The following DRC10 variants were observed in gnomAD, a reference collection of about 807,000 sequenced individuals.
The protein encoded by DRC10 is IQ domain-containing protein D.
At chr12:113,199,395 C>T in the DRC10 span, among the ~76,000 whole-genome samples, 1 of 140,252 alleles carries the variant, frequency 7.1e-6, no homozygotes. Context: ...GACCCTGTCT[C>T]AAACATAAAT....
the DRC10 span, among the ~76,000 whole-genome samples, chr12:113,214,822 GTT>G: frequency 6.7e-6 from 1 of 149,506 alleles, no homozygotes; most frequent in Non-Finnish European, 1.5e-5. Context: ...TAGTTGAGTG[GTT>G]TTTTTTTTCT....
At chr12:113,212,769 C>T in the DRC10 span, among the ~76,000 whole-genome samples, 5 of 152,180 alleles carry the variant, frequency 3.3e-5, no homozygotes, top group Non-Finnish European at 5.9e-5. Flanking sequence ...ACTGGAGAAT[C>T]TCTTTTCCTT....
the DRC10 span, among the ~76,000 whole-genome samples, chr12:113,197,300 G>A: frequency 2.0e-5 from 3 of 149,204 alleles, no homozygotes; most frequent in Admixed American, 2.0e-4. Flanking sequence ...GCCTCCCAAC[G>A]TGCTGGGATT....
At chr12:113,213,190 A>AC in the DRC10 span, among the ~76,000 whole-genome samples, 7 of 143,052 alleles carry the variant, frequency 4.9e-5, no homozygotes, top group Non-Finnish European at 9.6e-5. Context: ...AAAAAAAAAA[A>AC]AAAAAAAAAA....
chr12:113,203,344 TC>T, the DRC10 span, among the ~76,000 whole-genome samples: 67 of 151,960 alleles, frequency 4.4e-4, 2 homozygotes, highest in Non-Finnish European at 1.9e-4. Flanking sequence ...TAACAATTCT[TC>T]TAACTGGTGT....
chr12:113,212,583 A>G, the DRC10 span, among the ~76,000 whole-genome samples: 2 of 152,244 alleles, frequency 1.3e-5, no homozygotes, highest in Admixed American at 1.3e-4. Flanking sequence ...GCAACGTTAC[A>G]TGAAATGTTT....
At chr12:113,211,449 G>A in the DRC10 span, among the ~76,000 whole-genome samples, 4 of 152,116 alleles carry the variant, frequency 2.6e-5, no homozygotes, top group East Asian at 7.7e-4. Flanking sequence ...AGGATGTTTA[G>A]TTCCTTGGCA....
At chr12:113,208,839 A>G in the DRC10 span, among the ~76,000 whole-genome samples, 4 of 152,236 alleles carry the variant, frequency 2.6e-5, no homozygotes, top group African/African-American at 4.8e-5. Flanking sequence ...GCCTCAGCCT[A>G]TGTCTGAGCA....
At chr12:113,198,624 G>C in the DRC10 span, among the ~76,000 whole-genome samples, 1 of 152,164 alleles carries the variant, frequency 6.6e-6, no homozygotes, top group Non-Finnish European at 1.5e-5. Context: ...GGGACAGGGG[G>C]AATAAGGGAA....
chr12:113,209,622 G>A, the DRC10 span, among the ~76,000 whole-genome samples: 8 of 152,090 alleles, frequency 5.3e-5, no homozygotes, highest in African/African-American at 1.9e-4. Flanking sequence ...CTAGGCTCAA[G>A]CAATCCTCCC....
the DRC10 span, chr12:113,200,709 C>T: frequency 6.5e-7 from 1 of 1,536,202 alleles, no homozygotes; most frequent in Non-Finnish European, 8.7e-7. Context: ...CCTTCTGCTG[C>T]TTCTCAGCCT....
chr12:113,218,709 A>G, the DRC10 span, among the ~76,000 whole-genome samples: 1 of 152,126 alleles, frequency 6.6e-6, no homozygotes, highest in Non-Finnish European at 1.5e-5. Flanking sequence ...TGGCCTCCCA[A>G]ATTGCTGGGA....
chr12:113,205,902 C>CAAAAAAA, the DRC10 span, among the ~76,000 whole-genome samples: 1 of 47,982 alleles, frequency 2.1e-5, no homozygotes, highest in Non-Finnish European at 4.3e-5. Flanking sequence ...GACTCCGTCT[C>CAAAAAAA]AAAAAAAAAA....
At chr12:113,201,838 C>T in the DRC10 span, among the ~76,000 whole-genome samples, 1 of 152,210 alleles carries the variant, frequency 6.6e-6, no homozygotes, top group Non-Finnish European at 1.5e-5. Flanking sequence ...TGGGGCAAGC[C>T]CATCCTGCAG....
the DRC10 span, among the ~76,000 whole-genome samples, chr12:113,196,283 C>T: frequency 6.6e-6 from 1 of 152,174 alleles, no homozygotes; most frequent in Non-Finnish European, 1.5e-5. Context: ...ATGTACTGGA[C>T]ATGATGCCAG....
chr12:113,208,557 G>A, the DRC10 span: 2 of 187,806 alleles, frequency 1.1e-5, no homozygotes, highest in Admixed American at 1.1e-4. Context: ...TGGGAGAGTT[G>A]AGAGGCCAAC....
chr12:113,215,988 G>A, the DRC10 span, among the ~76,000 whole-genome samples: 8 of 152,250 alleles, frequency 5.3e-5, no homozygotes, highest in East Asian at 1.9e-4. Flanking sequence ...CTTACTGTAC[G>A]ATCCAGTAAT....
the DRC10 span, among the ~76,000 whole-genome samples, chr12:113,219,820 A>T: frequency 2.6e-5 from 4 of 151,514 alleles, no homozygotes; most frequent in East Asian, 1.9e-4. Context: ...TTATTTATTT[A>T]TTTTTTGAGC....
chr12:113,211,252 T>C, the DRC10 span, among the ~76,000 whole-genome samples: 1 of 152,138 alleles, frequency 6.6e-6, no homozygotes, highest in African/African-American at 2.4e-5. Context: ...CAGCTAATTA[T>C]TGTATTTTTA....
Sources: gnomAD v4.1 joint callset for allele counts (sites outside exome capture counted in the v4.1 genomes callset) on GRCh38, gnomAD v4.1.1 for gene constraint, MANE v1.5 for transcripts, NCBI Gene and HGNC (gene_info 2026-07-23, HGNC 2026-07-21) for gene names.